RBFOX1: variants seen among roughly 807,000 people sequenced by gnomAD.
The protein encoded by RBFOX1 is RNA binding fox-1 homolog 1, also known as RNA binding protein fox-1 homolog 1.
Under a neutral mutation model 57.7 loss-of-function variants are expected in RBFOX1, and 8 were observed. The observed-to-expected ratio is 0.14, with a 90% CI of 0.08 to 0.25. The LOEUF (loss-of-function observed/expected upper bound fraction) is 0.25, where lower values mean the gene tolerates loss of function less well. Ranked by LOEUF, RBFOX1 falls within the 10% of genes least tolerant of loss-of-function variation. RBFOX1 has a pLI of 1.00. For missense variants in RBFOX1, 611 were observed against 548.5 expected (o/e 1.11, Z -1.14); for synonymous variants, 326 against 222.4 (o/e 1.47, Z -4.15).
intron 1 of RBFOX1, among the ~76,000 whole-genome samples, chr16:5,327,880 G>A (rs746226040): frequency 3.3e-5 from 5 of 152,186 alleles, no homozygotes; most frequent in Non-Finnish European, 5.9e-5. Context: ...CTGTGGTCTG[G>A]GAGGGATGGG....
chr16:6,455,503 G>A (rs143007233), intron 2 of RBFOX1, among the ~76,000 whole-genome samples: 6 of 152,236 alleles, frequency 3.9e-5, no homozygotes, highest in African/African-American at 1.2e-4. Context: ...TCTCTTAGAG[G>A]GCAGGAGTTC....
chr16:5,421,737 T>G (rs1289861993), intron 1 of RBFOX1, among the ~76,000 whole-genome samples: 1 of 152,212 alleles, frequency 6.6e-6, no homozygotes, highest in Non-Finnish European at 1.5e-5. Context: ...ATAATAGTCT[T>G]GGAAGATATT....
intron 3 of RBFOX1, among the ~76,000 whole-genome samples, chr16:5,623,249 C>T (rs1018101518): frequency 2.0e-5 from 3 of 152,086 alleles, no homozygotes; most frequent in Admixed American, 6.5e-5. Flanking sequence ...GACTGTTTTC[C>T]GTTTCCCAGT....
chr16:7,081,022 G>A (rs188722569), intron 4 of RBFOX1, among the ~76,000 whole-genome samples: 18 of 152,212 alleles, frequency 1.2e-4, no homozygotes, highest in South Asian at 8.3e-4. Context: ...GTTGCTGGCC[G>A]TAGCCACACT....
intron 3 of RBFOX1, among the ~76,000 whole-genome samples, chr16:5,746,589 T>G (rs2052991130): frequency 6.6e-6 from 1 of 152,222 alleles, no homozygotes; most frequent in African/African-American, 2.4e-5. Context: ...TGTTCTTCTA[T>G]TTGTTTGTGT....
At chr16:7,688,260 T>TGAGAGAGAGA (rs141940868) in intron 14 of RBFOX1, among the ~76,000 whole-genome samples, 5 of 125,384 alleles carry the variant, frequency 4.0e-5, no homozygotes, top group African/African-American at 1.5e-4. Flanking sequence ...TGTGTGTGTG[T>TGAGAGAGAGA]GAGAGAGAGA....
chr16:6,350,487 A>C (rs1429278747), intron 2 of RBFOX1, among the ~76,000 whole-genome samples: 30 of 110,512 alleles, frequency 2.7e-4, no homozygotes, highest in Non-Finnish European at 4.6e-4. Flanking sequence ...AAAAAAAAAA[A>C]AAAAAAAAAA....
chr16:7,533,645 C>G (rs1291077768), intron 5 of RBFOX1, among the ~76,000 whole-genome samples: 2 of 152,132 alleles, frequency 1.3e-5, no homozygotes, highest in African/African-American at 4.8e-5. Flanking sequence ...ACTGAAGTGT[C>G]AAATATCTCA....
chr16:6,712,951 G>C (rs958774922), intron 3 of RBFOX1, among the ~76,000 whole-genome samples: 11 of 129,584 alleles, frequency 8.5e-5, no homozygotes, highest in African/African-American at 3.1e-4. Context: ...CATGGGATCT[G>C]ATGGTTTTAT....
chr16:5,672,699 G>C (rs1433013062), intron 3 of RBFOX1, among the ~76,000 whole-genome samples: 2 of 138,828 alleles, frequency 1.4e-5, no homozygotes, highest in Non-Finnish European at 3.1e-5. Context: ...CCATTAGCTG[G>C]AGATAATGAT....
chr16:7,505,365 GA>G (rs1335042126), intron 4 of RBFOX1, among the ~76,000 whole-genome samples: 4 of 152,218 alleles, frequency 2.6e-5, no homozygotes, highest in Non-Finnish European at 5.9e-5. Flanking sequence ...TCAGTGGCAA[GA>G]CAGGGTCCTC....
At chr16:7,388,643 ACTTT>A (rs1204413717) in intron 4 of RBFOX1, among the ~76,000 whole-genome samples, 2 of 95,246 alleles carry the variant, frequency 2.1e-5, no homozygotes, top group Non-Finnish European at 3.9e-5. Context: ...GGTTTCACTT[ACTTT>A]TTTTTTTTTT....
chr16:5,637,163 C>T (rs899322302), intron 3 of RBFOX1, among the ~76,000 whole-genome samples: 2 of 152,218 alleles, frequency 1.3e-5, no homozygotes, highest in Non-Finnish European at 2.9e-5. Flanking sequence ...TTTAAATAAG[C>T]TGTCACGCAG....
intron 3 of RBFOX1, among the ~76,000 whole-genome samples, chr16:6,687,083 A>G (rs117319283): frequency 1.6e-3 from 249 of 152,378 alleles, no homozygotes; most frequent in Non-Finnish European, 2.9e-3. Flanking sequence ...AGTTCCTGAA[A>G]GAATCACACT....
intron 4 of RBFOX1, among the ~76,000 whole-genome samples, chr16:7,321,060 T>A (rs1313274637): frequency 7.1e-6 from 1 of 141,144 alleles, no homozygotes; most frequent in Non-Finnish European, 1.5e-5. Flanking sequence ...ATTATCTATC[T>A]ATCTGTCTAT....
Position 6,530,408 on chromosome 16 carries a change from G to A in RBFOX1, c.-63-124195G>A, listed in dbSNP as rs148650548. On this transcript the variant is annotated intron_variant, in intron 2 of 15. Coordinates refer to ENST00000550418, the MANE Select transcript of RBFOX1 (RefSeq NM_018723.4). Reference sequence around the variant, plus strand: ...ATTCCAAGAGGCTCACCTGCAAGATGGGGAGACAGTGGGCTGTAGCAACAT... The same window carrying A: ...ATTCCAAGAGGCTCACCTGCAAGATAGGGAGACAGTGGGCTGTAGCAACAT... Among the ~76,000 whole-genome samples, 144 of 152,274 alleles carry A rather than the reference G, an allele frequency of 9.5e-4. 3 individuals are homozygous for A. The highest frequency in any genetic ancestry group is 2.7e-3 in the African/African-American group (111 of 41,572).
intron 1 of RBFOX1, among the ~76,000 whole-genome samples, chr16:5,405,070 A>G (rs1198115912): frequency 2.0e-5 from 3 of 152,142 alleles, no homozygotes; most frequent in East Asian, 3.9e-4. Context: ...AATCTGTGCA[A>G]AGAGAGGTTG....
chr16:7,552,674 GC>G (rs541155206), intron 5 of RBFOX1, among the ~76,000 whole-genome samples: 53 of 152,140 alleles, frequency 3.5e-4, no homozygotes, highest in African/African-American at 1.2e-3. Flanking sequence ...CGACTAATTT[GC>G]CACTCTTGTT....
intron 14 of RBFOX1, among the ~76,000 whole-genome samples, chr16:7,707,838 C>G (rs1373210560): frequency 1.3e-5 from 2 of 152,176 alleles, no homozygotes; most frequent in African/African-American, 4.8e-5. Flanking sequence ...TTGCTCTGAC[C>G]TACTTGCCCC....
Sources: allele counts gnomAD v4.1 joint callset (sites outside exome capture counted in the v4.1 genomes callset), GRCh38; gene constraint gnomAD v4.1.1; transcripts MANE v1.5; gene names NCBI Gene and HGNC (gene_info 2026-07-23, HGNC 2026-07-21).